The following BAG3 variants were observed in gnomAD, a reference collection of about 807,000 sequenced individuals.
The protein encoded by BAG3 is BAG family molecular chaperone regulator 3.
In BAG3, 14 loss-of-function variants were observed where a neutral mutation model predicts 40.5. That is an observed-to-expected ratio of 0.35 (90% confidence interval 0.23 to 0.54). BAG3 has a LOEUF of 0.54. Among genes scored for constraint, BAG3 ranks in the 20% least tolerant of loss-of-function variants. BAG3 has a pLI of 0.91. For synonymous variants in BAG3, 302 were observed against 307.8 expected (o/e 0.98, Z 0.20); for missense variants, 788 against 758.6 (o/e 1.04, Z -0.46).
intron 1 of BAG3, among the ~76,000 whole-genome samples, chr10:119,669,162 G>A (rs1847105717): frequency 6.6e-6 from 1 of 152,154 alleles, no homozygotes; most frequent in Non-Finnish European, 1.5e-5. Flanking sequence ...TGCACAGATG[G>A]GCCTAGGAGA....
At position 119,651,514 on chromosome 10, in the gene BAG3, C is replaced by T; in HGVS notation, c.-162C>T. The T allele has an allele frequency of 1.7e-6, 1 of 574,396 alleles. No homozygotes were observed. Among genetic ancestry groups the T allele is most frequent in the Non-Finnish European group, 2.7e-6 (1 of 368,246 alleles). 35.6% of individuals were successfully genotyped at this position (574,396 alleles called of 1,614,324 possible). A position where few individuals can be genotyped will look rare whatever the true frequency, so the allele number is the denominator to read the frequency against. On this transcript the variant is annotated 5_prime_UTR_variant, in exon 1 of 4. Transcript: ENST00000369085. ...TATTTCCAGACACTTCCACCCCTCT[C>T]TGGCCACGTCACCCCCGCCTTTAAT...
Position 119,676,393 on chromosome 10 carries a change from G to C in BAG3, c.910-71G>C. On this transcript the variant is annotated intron_variant, in intron 3 of 3. Coordinates refer to ENST00000369085, the MANE Select transcript of BAG3 (RefSeq NM_004281.4). ...CATTTCTCAGTTTTCTTTCTAATCT[G>C]TACTAGCTACAAACAATTTCTGTGA... 3 of 1,527,716 alleles carry C rather than the reference G, an allele frequency of 2.0e-6. No individual in the cohort carries two copies. In the South Asian group the frequency reaches 3.4e-5, roughly 17 times the overall value. 94.6% of individuals were successfully genotyped at this position (1,527,716 alleles called of 1,614,324 possible). A position where few individuals can be genotyped will look rare whatever the true frequency, so the allele number is the denominator to read the frequency against.
chr10:119,666,732 T>C (rs886271436), intron 1 of BAG3, among the ~76,000 whole-genome samples: 1 of 137,676 alleles, frequency 7.3e-6, no homozygotes, highest in Non-Finnish European at 1.6e-5. Flanking sequence ...CTATAAGGGG[T>C]TGGGATCAGC....
chr10:119,655,086 C>T (rs12250770), intron 1 of BAG3, among the ~76,000 whole-genome samples: 32,880 of 152,160 alleles, frequency 0.22, 3,733 homozygotes, highest in Non-Finnish European at 0.26. Context: ...CCACGGATGG[C>T]CAGTGATCCC....
intron 1 of BAG3, 134 bp downstream of exon 1, chr10:119,651,989 G>A (rs1180410951): frequency 4.2e-6 from 3 of 712,390 alleles, no homozygotes; most frequent in Non-Finnish European, 5.5e-6. Context: ...GCGGACACCG[G>A]CTCCGCGCCC....
chr10:119,662,904 A>G (rs568840069), intron 1 of BAG3, among the ~76,000 whole-genome samples: 99 of 152,274 alleles, frequency 6.5e-4, no homozygotes, highest in Non-Finnish European at 1.2e-3. Flanking sequence ...AGTCCCAGCT[A>G]CTCAGGAGGC....
At chr10:119,660,284 G>A (rs910288011) in intron 1 of BAG3, among the ~76,000 whole-genome samples, 3 of 152,208 alleles carry the variant, frequency 2.0e-5, no homozygotes, top group Non-Finnish European at 2.9e-5. Context: ...CAGTCAGTGC[G>A]GCTGGGCGCC....
At position 119,659,919 on chromosome 10, in the gene BAG3, CT is replaced by C. The variant is rs977233826; in HGVS notation, c.180+8074del. Among the ~76,000 whole-genome samples the C allele has an allele frequency of 1.3e-4, 19 of 150,346 alleles. No homozygotes were observed. The Middle Eastern group carries it at 0.01, about 82-fold the overall frequency. On this transcript the variant is annotated intron_variant, in intron 1 of 3. Coordinates refer to ENST00000369085, the MANE Select transcript of BAG3 (RefSeq NM_004281.4). ...CTTGATTAAAGCAGGTGGCTCCGCT[CT>C]TTTTTTTTTCCCCTGAAGAAGAGGT...
intron 1 of BAG3, among the ~76,000 whole-genome samples, chr10:119,660,509 T>C (rs189349630): frequency 1.2e-4 from 19 of 152,280 alleles, no homozygotes; most frequent in Admixed American, 1.0e-3. Context: ...GGCTTCTAAT[T>C]CTAACTGTCT....
rs201822629 is a variant in BAG3 at position 119,657,538 on chromosome 10, G to A, written c.180+5683G>A. 17 of 471,084 alleles carry A rather than the reference G, an allele frequency of 3.6e-5. 1 individual carries two copies. Among genetic ancestry groups the A allele is most frequent in the Non-Finnish European group, 7.0e-5 (16 of 227,060 alleles). 29.2% of individuals were successfully genotyped at this position (471,084 alleles called of 1,614,324 possible). ...TGGGCCTGCCCAGAGCGCGAAGGCA[G>A]ATACAGAAGAGCTGCCCGTGAAGGA... is the stretch of plus-strand genomic sequence containing the variant. On this transcript the variant is annotated intron_variant, in intron 1 of 3. Transcript: ENST00000369085.
chr10:119,669,322 C>A (rs1847108500), intron 1 of BAG3, among the ~76,000 whole-genome samples: 1 of 152,204 alleles, frequency 6.6e-6, no homozygotes, highest in Non-Finnish European at 1.5e-5. Context: ...AACAATACTC[C>A]TGAGGAGGCA....
intron 1 of BAG3, 40 bp downstream of exon 1, chr10:119,651,895 C>A: frequency 6.8e-7 from 1 of 1,469,642 alleles, no homozygotes; most frequent in Non-Finnish European, 9.1e-7. Flanking sequence ...GGTGGCGCCA[C>A]CTCGACGGCA....
At position 119,677,522 on chromosome 10, in the gene BAG3, GT is replaced by G. The variant is rs1847258341; in HGVS notation, c.*242del. 2.5e-4 allele frequency: 29 copies of G among 115,382 alleles called. No individual in the cohort carries two copies. The highest frequency in any genetic ancestry group is 2.1e-3 in the South Asian group (28 of 13,554). 7.1% of individuals were successfully genotyped at this position (115,382 alleles called of 1,614,324 possible). A position where few individuals can be genotyped will look rare whatever the true frequency, so the allele number is the denominator to read the frequency against. On this transcript the variant is annotated 3_prime_UTR_variant, in exon 4 of 4. Coordinates refer to ENST00000369085, the MANE Select transcript of BAG3 (RefSeq NM_004281.4). ...TTTGAGAAGTTTAACCCCGTTGCTT[GT>G]TGTTCTGCAGCCCTGTCTACTTGGG...
chr10:119,669,398 A>G (rs994893322), intron 1 of BAG3, among the ~76,000 whole-genome samples: 1 of 152,124 alleles, frequency 6.6e-6, no homozygotes, highest in Non-Finnish European at 1.5e-5. Context: ...TGGGCCCAGT[A>G]CAAGCTCTAT....
chr10:119,659,121 G>C (rs1245816086), intron 1 of BAG3, among the ~76,000 whole-genome samples: 4 of 152,178 alleles, frequency 2.6e-5, no homozygotes, highest in Non-Finnish European at 5.9e-5. Flanking sequence ...CGTGCCCCTT[G>C]TGAGTGGAGG....
At position 119,676,791 on chromosome 10, in the gene BAG3, G is replaced by T; in HGVS notation, c.1237G>T (p.Ala413Ser). 1 of 1,614,194 alleles carries T rather than the reference G, an allele frequency of 6.2e-7. No homozygotes were observed. Among genetic ancestry groups the T allele is most frequent in the Non-Finnish European group, 8.5e-7 (1 of 1,180,042 alleles). The stretch of plus-strand genomic sequence containing the variant: ...AGCTACACCTCCAAAACCAGGAGAA[G>T]CCGAGGCTCCCCCAAAACATCCAGG... ...AEATPPKPGE[A>S]EAPPKHPGVL... Residue 413 changes from alanine to serine, a missense_variant, in exon 4 of 4, where the codon GCC becomes TCC. By Grantham distance (99) the Ala-to-Ser change is moderately conservative. Transcript: ENST00000369085.
rs141328836 is a variant in BAG3 at position 119,672,452 on chromosome 10, G to T, written c.705G>T (p.Ala235=). The T allele has an allele frequency of 6.2e-7, 1 of 1,614,184 alleles. No homozygotes were observed. Among genetic ancestry groups the T allele is most frequent in the Non-Finnish European group, 8.5e-7 (1 of 1,180,044 alleles). The change falls in exon 3 of 4, where the codon GCG becomes GCT. Residue 235 remains alanine (A), a synonymous_variant. Coordinates refer to ENST00000369085, the MANE Select transcript of BAG3 (RefSeq NM_004281.4). This position sits in a 1 kb window ranked among gnomAD's most constrained non-coding sequence, Gnocchi z 4.8. ...FHQAQKTHYP[A]QQGEYQTHQP... Reference sequence around the variant, plus strand: ...AAGCCCAGAAGACGCACTACCCAGCGCAGCAGGGGGAGTACCAGACCCACC... The same window carrying T: ...AAGCCCAGAAGACGCACTACCCAGCTCAGCAGGGGGAGTACCAGACCCACC...
chr10:119,653,894 A>T (rs1846876355), intron 1 of BAG3, among the ~76,000 whole-genome samples: 1 of 152,156 alleles, frequency 6.6e-6, no homozygotes, highest in Non-Finnish European at 1.5e-5. Flanking sequence ...AGAATACTTG[A>T]TTATTTTTGT....
intron 1 of BAG3, among the ~76,000 whole-genome samples, chr10:119,665,329 A>T (rs952361814): frequency 1.3e-5 from 2 of 150,672 alleles, no homozygotes; most frequent in Non-Finnish European, 3.0e-5. Context: ...TTTAGTAGAG[A>T]TGGGGTTTCA....
Sources: allele counts gnomAD v4.1 joint callset (sites outside exome capture counted in the v4.1 genomes callset), GRCh38; gene constraint gnomAD v4.1.1; non-coding constraint Gnocchi (gnomAD v3.1); transcripts MANE v1.5; gene names NCBI Gene and HGNC (gene_info 2026-07-23, HGNC 2026-07-21).